The following RBFOX1 variants were observed in gnomAD, a reference collection of about 807,000 sequenced individuals.
RBFOX1 encodes the protein RNA binding protein fox-1 homolog 1.
RBFOX1 carries 8 observed loss-of-function variants against 57.7 expected under a neutral mutation model. The ratio of observed to expected loss-of-function variants is 0.14; its 90% CI spans 0.08 to 0.25. The LOEUF is 0.25. Ranked by LOEUF, RBFOX1 falls within the 10% of genes least tolerant of loss-of-function variation. The probability of loss-of-function intolerance (pLI) is 1.00; values close to 1 mark genes in which losing one functional copy is unlikely to be tolerated. For missense variants in RBFOX1, 611 were observed against 548.5 expected, an observed-to-expected ratio of 1.11 and a Z score of -1.14; for synonymous variants, 326 against 222.4, an observed-to-expected ratio of 1.47 and a Z score of -4.15.
intron 3 of RBFOX1, among the ~76,000 whole-genome samples, chr16:5,624,167 A>C (rs1396351726): frequency 2.0e-5 from 3 of 152,178 alleles, no homozygotes; most frequent in Non-Finnish European, 4.4e-5. Flanking sequence ...GAGTCCCTAA[A>C]AATAAGGCCT....
At chr16:6,772,811 G>C (rs1020436200) in intron 3 of RBFOX1, among the ~76,000 whole-genome samples, 1 of 148,518 alleles carries the variant, frequency 6.7e-6, no homozygotes, top group African/African-American at 2.5e-5. Context: ...TGTGGGCCTG[G>C]GGTGCATTTG....
At chr16:6,935,440 T>C (rs1395782454) in intron 3 of RBFOX1, among the ~76,000 whole-genome samples, 1 of 152,188 alleles carries the variant, frequency 6.6e-6, no homozygotes, top group African/African-American at 2.4e-5. Flanking sequence ...TTCTCTCTCT[T>C]CTTGTCAATT....
At chr16:6,530,538 G>A (rs2096643339) in intron 2 of RBFOX1, among the ~76,000 whole-genome samples, 1 of 152,092 alleles carries the variant, frequency 6.6e-6, no homozygotes. Flanking sequence ...GGGCTTCTTT[G>A]CTCCTTGTAT....
At chr16:6,685,342 C>G (rs1024881674) in intron 3 of RBFOX1, among the ~76,000 whole-genome samples, 38 of 133,848 alleles carry the variant, frequency 2.8e-4, no homozygotes, top group African/African-American at 1.0e-3. Flanking sequence ...GTGGCTGGAT[C>G]TCGGCTCACT....
intron 1 of RBFOX1, among the ~76,000 whole-genome samples, chr16:6,112,213 A>G (rs923890838): frequency 2.6e-5 from 4 of 152,302 alleles, no homozygotes; most frequent in South Asian, 2.1e-4. Context: ...AACTTCTGCT[A>G]TAAGGGTTAT....
chr16:7,053,576 T>A (rs1439864839), intron 4 of RBFOX1, among the ~76,000 whole-genome samples: 4 of 152,180 alleles, frequency 2.6e-5, no homozygotes, highest in Admixed American at 6.5e-5. Flanking sequence ...AATATTGAAA[T>A]CTCTATTGCA....
At chr16:7,045,742 G>T (rs1198675799) in intron 3 of RBFOX1, among the ~76,000 whole-genome samples, 1 of 151,826 alleles carries the variant, frequency 6.6e-6, no homozygotes, top group African/African-American at 2.4e-5. Context: ...GCCTACCTCT[G>T]CCACCCAGGT....
At chr16:7,504,967 C>G (rs1248142809) in intron 4 of RBFOX1, among the ~76,000 whole-genome samples, 1 of 149,534 alleles carries the variant, frequency 6.7e-6, no homozygotes, top group African/African-American at 2.5e-5. Flanking sequence ...GCCTTTCCAG[C>G]GCGAAATGCT....
chr16:5,483,186 T>C (rs919696440), intron 2 of RBFOX1, among the ~76,000 whole-genome samples: 2 of 152,214 alleles, frequency 1.3e-5, no homozygotes, highest in Admixed American at 6.5e-5. Flanking sequence ...TCCAGAGTCC[T>C]TGATGGCTTG....
At chr16:6,670,153 T>A (rs1203009054) in intron 3 of RBFOX1, among the ~76,000 whole-genome samples, 1 of 151,974 alleles carries the variant, frequency 6.6e-6, no homozygotes, top group African/African-American at 2.4e-5. Flanking sequence ...GGGCATGTTG[T>A]ACTTACTCAG....
intron 2 of RBFOX1, among the ~76,000 whole-genome samples, chr16:6,350,741 C>T (rs2086218939): frequency 6.6e-6 from 1 of 152,122 alleles, no homozygotes; most frequent in Non-Finnish European, 1.5e-5. Context: ...ATTAACAACA[C>T]TAGGAGGTAG....
intron 3 of RBFOX1, among the ~76,000 whole-genome samples, chr16:6,845,847 T>G (rs2093726216): frequency 6.6e-6 from 1 of 152,238 alleles, no homozygotes; most frequent in South Asian, 2.1e-4. Flanking sequence ...TGGGATAATC[T>G]CAGTCCCACT....
intron 3 of RBFOX1, among the ~76,000 whole-genome samples, chr16:6,795,059 A>C (rs1375600079): frequency 6.6e-6 from 1 of 152,144 alleles, no homozygotes; most frequent in Non-Finnish European, 1.5e-5. Context: ...TTGATAGTTG[A>C]TGTGATATAT....
At chr16:7,265,213 GA>G (rs2095081650) in intron 4 of RBFOX1, among the ~76,000 whole-genome samples, 1 of 152,038 alleles carries the variant, frequency 6.6e-6, no homozygotes, top group South Asian at 2.1e-4. Context: ...TTAGACAACA[GA>G]AATCTTTTCT....
intron 1 of RBFOX1, among the ~76,000 whole-genome samples, chr16:6,173,044 A>G (rs552442730): frequency 1.3e-5 from 2 of 152,300 alleles, no homozygotes; most frequent in African/African-American, 4.8e-5. Flanking sequence ...AGTAACAGCA[A>G]GAAAAGGTTC....
rs60498960 is a variant in RBFOX1 at position 6,380,398 on chromosome 16, A to ATTT, written c.-64+63387_-64+63389dup. 2.6e-4 allele frequency among the ~76,000 whole-genome samples: 13 copies of ATTT among 49,160 alleles called. 1 individual carries two copies. Among genetic ancestry groups the ATTT allele is most frequent in the East Asian group, 6.9e-4 (1 of 1,440 alleles). 32.3% of individuals were successfully genotyped at this position (49,160 alleles called of 152,430 possible). On this transcript the variant is annotated intron_variant, in intron 2 of 15. Transcript: ENST00000550418. Reference sequence around the variant, plus strand: ...CGTCTGTGAGTGGTGAATGGTGGGGATTTTTTTTTTTTTTTTTTTTTTTTT... The same window carrying ATTT: ...CGTCTGTGAGTGGTGAATGGTGGGGATTTTTTTTTTTTTTTTTTTTTTTTTTTT...
chr16:7,374,680 T>A (rs892553669), intron 4 of RBFOX1, among the ~76,000 whole-genome samples: 1 of 152,258 alleles, frequency 6.6e-6, no homozygotes, highest in African/African-American at 2.4e-5. Context: ...CTTCTAGAAA[T>A]ACCTAAACAT....
intron 3 of RBFOX1, among the ~76,000 whole-genome samples, chr16:6,711,513 G>T (rs947868043): frequency 6.6e-6 from 1 of 152,162 alleles, no homozygotes; most frequent in Admixed American, 6.5e-5. Flanking sequence ...GGTAGAGAGT[G>T]AGTTCTCACA....
At chr16:5,457,230 G>A (rs550981074) in intron 1 of RBFOX1, among the ~76,000 whole-genome samples, 16 of 152,050 alleles carry the variant, frequency 1.1e-4, no homozygotes, top group East Asian at 1.9e-4. Flanking sequence ...TCTACCTCCC[G>A]GGTTCAAGAT....
Sources: gnomAD v4.1 joint callset for allele counts (sites outside exome capture counted in the v4.1 genomes callset) on GRCh38, gnomAD v4.1.1 for gene constraint, MANE v1.5 for transcripts, NCBI Gene and HGNC (gene_info 2026-07-23, HGNC 2026-07-21) for gene names.